MAGI1: variants seen among roughly 807,000 people sequenced by gnomAD.
The protein encoded by MAGI1 is membrane-associated guanylate kinase, WW and PDZ domain-containing protein 1.
In MAGI1, 58 loss-of-function variants were observed where a neutral mutation model predicts 139.9. The ratio of observed to expected loss-of-function variants is 0.41; its 90% confidence interval spans 0.34 to 0.52. The LOEUF is 0.52. Among genes scored for constraint, MAGI1 ranks in the 20% least tolerant of loss-of-function variants. The probability of loss-of-function intolerance (pLI) is 0.12; values close to 1 mark genes in which losing one functional copy is unlikely to be tolerated. For synonymous variants in MAGI1, 812 were observed against 737.9 expected (o/e 1.10, Z -1.63); for missense variants, 1,874 against 1,901.6 (o/e 0.99, Z 0.27).
chr3:65,470,171 T>C, intron 5 of MAGI1, 112 bp downstream of exon 5: 1 of 668,828 alleles, frequency 1.5e-6, no homozygotes, highest in South Asian at 2.0e-5. Flanking sequence ...AAAAATACCA[T>C]CAGTGGGTGA....
chr3:65,502,912 G>A (rs1233670509), intron 2 of MAGI1, among the ~76,000 whole-genome samples: 1 of 152,124 alleles, frequency 6.6e-6, no homozygotes, highest in Non-Finnish European at 1.5e-5. Flanking sequence ...ACTTTGGAGG[G>A]TGGGAGTGGT....
intron 1 of MAGI1, among the ~76,000 whole-genome samples, chr3:66,006,139 C>A (rs950949006): frequency 6.6e-6 from 1 of 152,188 alleles, no homozygotes; most frequent in East Asian, 1.9e-4. Context: ...CTATCACATT[C>A]ATTTAGCCCT....
intron 5 of MAGI1, among the ~76,000 whole-genome samples, chr3:65,468,958 T>C (rs1030769458): frequency 6.7e-6 from 1 of 148,150 alleles, no homozygotes; most frequent in African/African-American, 2.5e-5. Context: ...AATAAATAAA[T>C]AAATAAATAA....
chr3:65,547,905 G>T (rs941080115), intron 2 of MAGI1, among the ~76,000 whole-genome samples: 4 of 152,028 alleles, frequency 2.6e-5, no homozygotes, highest in Non-Finnish European at 4.4e-5. Flanking sequence ...CACATGTTGA[G>T]AAAAAAGGTC....
chr3:65,458,653 G>C (rs9813775), intron 5 of MAGI1, among the ~76,000 whole-genome samples: 1,654 of 151,962 alleles, frequency 0.011, 34 homozygotes, highest in African/African-American at 0.038. Context: ...TTTTCAATCA[G>C]ACTACTAGAT....
chr3:65,409,447 A>T (rs192613427), intron 12 of MAGI1, among the ~76,000 whole-genome samples: 5 of 152,306 alleles, frequency 3.3e-5, no homozygotes, highest in African/African-American at 1.2e-4. Context: ...TTGATGCTTG[A>T]GTGAATAATG....
At chr3:65,779,503 A>G (rs948537476) in intron 1 of MAGI1, among the ~76,000 whole-genome samples, 6 of 152,220 alleles carry the variant, frequency 3.9e-5, no homozygotes, top group African/African-American at 1.2e-4. Flanking sequence ...AGGAACTGTG[A>G]GATGATTTAA....
chr3:66,008,060 CTAAT>C (rs2067125389), intron 1 of MAGI1, among the ~76,000 whole-genome samples: 1 of 152,102 alleles, frequency 6.6e-6, no homozygotes, highest in African/African-American at 2.4e-5. Context: ...CCATGCCCAG[CTAAT>C]TTGTGTATTT....
intron 2 of MAGI1, among the ~76,000 whole-genome samples, chr3:65,509,987 T>TCCCTGAC (rs545476923): frequency 2.0e-5 from 3 of 152,100 alleles, no homozygotes; most frequent in Admixed American, 1.3e-4. Flanking sequence ...CTCAAGTGGG[T>TCCCTGAC]CCCTGACCCC....
At chr3:65,870,884 TCCAC>T in intron 1 of MAGI1, among the ~76,000 whole-genome samples, 1 of 151,836 alleles carries the variant, frequency 6.6e-6, no homozygotes, top group Non-Finnish European at 1.5e-5. Flanking sequence ...GGAGTTCAAG[TCCAC>T]CCTGGGCAAT....
intron 2 of MAGI1, among the ~76,000 whole-genome samples, chr3:65,522,840 T>TC (rs2078222828): frequency 6.6e-6 from 1 of 152,112 alleles, no homozygotes; most frequent in African/African-American, 2.4e-5. Context: ...TACCTATAAT[T>TC]CCACTACCAA....
intron 1 of MAGI1, among the ~76,000 whole-genome samples, chr3:66,021,027 G>A (rs753959406): frequency 1.3e-5 from 2 of 152,112 alleles, no homozygotes; most frequent in African/African-American, 4.8e-5. Context: ...TCAACCCAAC[G>A]TATCACTCCA....
chr3:66,015,387 G>A (rs575404980), intron 1 of MAGI1, among the ~76,000 whole-genome samples: 24 of 151,874 alleles, frequency 1.6e-4, no homozygotes, highest in Non-Finnish European at 8.8e-5. Context: ...AACTGTGGAC[G>A]CAGCCAACCC....
At chr3:65,620,123 A>G (rs1368018678) in intron 2 of MAGI1, 1 of 246,544 alleles carries the variant, frequency 4.1e-6, no homozygotes, top group Non-Finnish European at 6.5e-6. Flanking sequence ...GTAACACCAC[A>G]GATGCATCAA....
chr3:65,588,677 G>T (rs995097693), intron 2 of MAGI1, among the ~76,000 whole-genome samples: 2 of 152,162 alleles, frequency 1.3e-5, no homozygotes, highest in African/African-American at 4.8e-5. Context: ...ACTTAAGGAA[G>T]TACAAAGGGC....
chr3:65,648,385 A>C (rs142052013), intron 1 of MAGI1, among the ~76,000 whole-genome samples: 1 of 152,066 alleles, frequency 6.6e-6, no homozygotes, highest in Non-Finnish European at 1.5e-5. Flanking sequence ...CCTGGACTCA[A>C]GGGATCTTCC....
Position 65,364,673 on chromosome 3 carries a change from C to A in MAGI1, c.3343G>T (p.Ala1115Ser), listed in dbSNP as rs764759916. ...ESQFEFKAPQATQEQDFYTVE... is the reference protein window; with the variant it reads ...ESQFEFKAPQSTQEQDFYTVE... The stretch of plus-strand genomic sequence containing the variant: ...AGAGACATGGTGCTCACCTGTGTTG[C>A]TTGGGGTGCTTTGAACTCAAATTGA... The change falls in exon 20 of 23, where the codon GCA becomes TCA. Residue 1115 changes from alanine to serine, a missense_variant. By Grantham distance (99) the Ala-to-Ser change is moderately conservative. Around this residue, in one of 5 missense-constraint regions of MAGI1, gnomAD observed 653 missense variants for 644.5 expected, o/e 1.01. Coordinates refer to ENST00000402939, the MANE Select transcript of MAGI1 (RefSeq NM_001033057.2). The A allele has an allele frequency of 1.2e-6, 2 of 1,613,794 alleles. No homozygotes were observed. The highest frequency in any genetic ancestry group is 1.7e-6 in the Non-Finnish European group (2 of 1,179,894).
chr3:65,744,861 T>C (rs1370848112), intron 1 of MAGI1, among the ~76,000 whole-genome samples: 1 of 152,170 alleles, frequency 6.6e-6, no homozygotes, highest in Non-Finnish European at 1.5e-5. Context: ...TTCAGTGGCA[T>C]TAGTAACATT....
chr3:65,891,602 A>C (rs2060749651), intron 1 of MAGI1, among the ~76,000 whole-genome samples: 1 of 151,810 alleles, frequency 6.6e-6, no homozygotes, highest in African/African-American at 2.4e-5. Context: ...TCAACGTGAT[A>C]CACAATATAA....
Sources: allele counts gnomAD v4.1 joint callset (sites outside exome capture counted in the v4.1 genomes callset), GRCh38; gene constraint gnomAD v4.1.1; regional missense constraint gnomAD v4.1.1; transcripts MANE v1.5; gene names NCBI Gene and HGNC (gene_info 2026-07-23, HGNC 2026-07-21).